The following PAPPA2 variants were observed in gnomAD, a reference collection of about 807,000 sequenced individuals.
The protein encoded by PAPPA2 is pappalysin-2.
A neutral mutation model predicts 176.4 loss-of-function variants in PAPPA2; 86 were observed. That is an observed-to-expected ratio of 0.49 (90% confidence interval 0.41 to 0.58). The LOEUF (loss-of-function observed/expected upper bound fraction) is 0.58. PAPPA2 is among the 20% of genes least tolerant of loss of function. The probability of loss-of-function intolerance (pLI) is 0.00; values close to 1 mark genes in which losing one functional copy is unlikely to be tolerated. For synonymous variants in PAPPA2, 809 were observed against 852.2 expected (o/e 0.95, Z 0.88); for missense variants, 2,073 against 2,256.9 (o/e 0.92, Z 1.65).
At chr1:176,484,379 G>A (rs758093299) in intron 1 of PAPPA2, among the ~76,000 whole-genome samples, 4 of 152,036 alleles carry the variant, frequency 2.6e-5, no homozygotes, top group South Asian at 2.1e-4. Context: ...TGGATCTGTC[G>A]TTTAATGTGT....
intron 4 of PAPPA2, among the ~76,000 whole-genome samples, chr1:176,677,792 G>C (rs1055196890): frequency 6.6e-6 from 1 of 151,928 alleles, no homozygotes; most frequent in Non-Finnish European, 1.5e-5. Context: ...TGATTCATTG[G>C]ATACCATACT....
chr1:176,590,638 C>G (rs75244792), intron 2 of PAPPA2, among the ~76,000 whole-genome samples: 10,842 of 152,238 alleles, frequency 0.071, 534 homozygotes, highest in Non-Finnish European at 0.11. Flanking sequence ...TAAGTCTCAG[C>G]TTGTGGTTGA....
At chr1:176,611,364 G>A (rs1380462377) in intron 3 of PAPPA2, among the ~76,000 whole-genome samples, 1 of 152,108 alleles carries the variant, frequency 6.6e-6, no homozygotes, top group East Asian at 1.9e-4. Context: ...GTAGCATTAT[G>A]GGGCATTCAC....
Position 176,595,361 on chromosome 1 carries a change from G to A in PAPPA2, c.1757G>A (p.Cys586Tyr). 1 of 1,614,206 alleles carries A rather than the reference G, an allele frequency of 6.2e-7. No individual in the cohort carries two copies. The highest frequency in any genetic ancestry group is 8.5e-7 in the Non-Finnish European group (1 of 1,180,040). The stretch of plus-strand genomic sequence containing the variant: ...CGACACCGGGTTGTGCTTGTGAACT[G>A]TGAGCCCAGCAAGATTGGCAATGAC... ...TLRHRVVLVNCEPSKIGNDHC... is the reference protein window; with the variant it reads ...TLRHRVVLVNYEPSKIGNDHC... Residue 586 changes from cysteine to tyrosine, a missense_variant, in exon 3 of 23, where the codon TGT becomes TAT. Cys to Tyr is a radical substitution (Grantham distance 194). Transcript: ENST00000367662.
At chr1:176,634,376 T>A (rs1656538020) in intron 3 of PAPPA2, among the ~76,000 whole-genome samples, 1 of 151,850 alleles carries the variant, frequency 6.6e-6, no homozygotes, top group South Asian at 2.1e-4. Context: ...CACTAATAGG[T>A]GGGAATTGAA....
At chr1:176,491,044 C>A (rs914172079) in intron 1 of PAPPA2, among the ~76,000 whole-genome samples, 3 of 152,214 alleles carry the variant, frequency 2.0e-5, no homozygotes, top group Non-Finnish European at 2.9e-5. Flanking sequence ...CTCTAACTGG[C>A]TTTGCTGCCC....
chr1:176,834,554 G>A (rs1374024135), intron 21 of PAPPA2, among the ~76,000 whole-genome samples: 2 of 152,232 alleles, frequency 1.3e-5, no homozygotes, highest in African/African-American at 2.4e-5. Flanking sequence ...GGAGCATAGT[G>A]TTGCTTCCTC....
At chr1:176,655,867 T>C (rs1278158230) in intron 3 of PAPPA2, among the ~76,000 whole-genome samples, 1 of 151,876 alleles carries the variant, frequency 6.6e-6, no homozygotes, top group Non-Finnish European at 1.5e-5. Context: ...TTTCTGTTCC[T>C]TAGAGTTTAT....
intron 14 of PAPPA2, among the ~76,000 whole-genome samples, chr1:176,742,975 G>T (rs1267593043): frequency 6.6e-6 from 1 of 152,054 alleles, no homozygotes; most frequent in Admixed American, 6.6e-5. Context: ...AACCTGATTG[G>T]CCCACAGAAT....
chr1:176,805,905 C>G (rs1335353941), intron 21 of PAPPA2, among the ~76,000 whole-genome samples: 4 of 142,096 alleles, frequency 2.8e-5, no homozygotes, highest in Non-Finnish European at 3.0e-5. Context: ...GGGAGGATCA[C>G]TTGAGTCCAG....
intron 15 of PAPPA2, 128 bp downstream of exon 15, chr1:176,765,965 C>T: frequency 9.2e-7 from 1 of 1,091,234 alleles, no homozygotes; most frequent in Non-Finnish European, 1.3e-6. Flanking sequence ...CATGGGGGCT[C>T]TAACAAGCAG....
At chr1:176,718,708 T>TA (rs536900960) in intron 12 of PAPPA2, among the ~76,000 whole-genome samples, 149 of 145,664 alleles carry the variant, frequency 1.0e-3, no homozygotes, top group South Asian at 1.7e-3. Flanking sequence ...CTTTTTTTTT[T>TA]AAAAAAAAAA....
intron 12 of PAPPA2, among the ~76,000 whole-genome samples, chr1:176,722,835 A>G (rs76009307): frequency 2.2e-4 from 33 of 152,288 alleles, no homozygotes; most frequent in Middle Eastern, 3.4e-3. Flanking sequence ...ACGCTACTCT[A>G]TAATAGCTGA....
At chr1:176,615,477 A>AT (rs1026145905) in intron 3 of PAPPA2, among the ~76,000 whole-genome samples, 6 of 151,164 alleles carry the variant, frequency 4.0e-5, no homozygotes, top group South Asian at 4.2e-4. Flanking sequence ...TGCCCGGCTA[A>AT]TTTTTTTTTC....
intron 9 of PAPPA2, among the ~76,000 whole-genome samples, chr1:176,703,084 G>A (rs902474512): frequency 6.6e-6 from 1 of 152,092 alleles, no homozygotes; most frequent in Non-Finnish European, 1.5e-5. Context: ...ATTCAGGGAA[G>A]GAATTTATGC....
chr1:176,706,256 T>G, intron 9 of PAPPA2, 103 bp from the exon 10 acceptor site: 6 of 1,054,424 alleles, frequency 5.7e-6, no homozygotes, highest in Non-Finnish European at 8.3e-6. Flanking sequence ...CAACTTGCAC[T>G]TTTTAATATA....
intron 21 of PAPPA2, among the ~76,000 whole-genome samples, chr1:176,828,666 C>A (rs954728525): frequency 4.0e-5 from 6 of 151,782 alleles, no homozygotes; most frequent in Non-Finnish European, 8.8e-5. Flanking sequence ...ACATGCATTG[C>A]ATAGATATGA....
Position 176,843,384 on chromosome 1 carries a change from T to C in PAPPA2, c.*930T>C, listed in dbSNP as rs1227614775. The C allele has an allele frequency of 6.6e-6, 1 of 152,114 alleles. No individual in the cohort carries two copies. The highest frequency in any genetic ancestry group is 6.6e-5 in the Admixed American group (1 of 15,254). The allele number at this position is 152,114 out of a possible 1,614,324, so 9.4% of individuals were successfully genotyped here. ...CTAGACTATGGTTCTTGAATATCTG[T>C]CCACAAAGAATATACTAACTTTTGT... On this transcript the variant is annotated 3_prime_UTR_variant, in exon 23 of 23. Transcript: ENST00000367662.
At chr1:176,558,937 G>T (rs1224010607) in intron 2 of PAPPA2, among the ~76,000 whole-genome samples, 4 of 152,160 alleles carry the variant, frequency 2.6e-5, no homozygotes, top group African/African-American at 9.7e-5. Context: ...GCTGCTTTGG[G>T]TTACTAGAGG....
Sources: allele counts gnomAD v4.1 joint callset (sites outside exome capture counted in the v4.1 genomes callset), GRCh38; gene constraint gnomAD v4.1.1; transcripts MANE v1.5; gene names NCBI Gene and HGNC (gene_info 2026-07-23, HGNC 2026-07-21).